WWOX: variants seen among roughly 807,000 people sequenced by gnomAD.
WWOX encodes the protein WW domain containing oxidoreductase.
A neutral mutation model predicts 46.2 loss-of-function variants in WWOX; 69 were observed. The ratio of observed to expected loss-of-function variants is 1.49; its 90% CI spans 1.23 to 1.82. The LOEUF (loss-of-function observed/expected upper bound fraction) is 1.82, where lower values mean the gene tolerates loss of function less well. WWOX is among the 40% of genes most tolerant of loss of function. WWOX has a pLI of 0.00. For synonymous variants in WWOX, 359 were observed against 202.6 expected, an observed-to-expected ratio of 1.77 and a Z score of -6.56; for missense variants, 919 against 542.6, an observed-to-expected ratio of 1.69 and a Z score of -6.89.
At chr16:78,149,150 C>G (rs988250636) in intron 4 of WWOX, among the ~76,000 whole-genome samples, 5 of 152,020 alleles carry the variant, frequency 3.3e-5, no homozygotes, top group Non-Finnish European at 7.4e-5. Context: ...GCCACTGTGC[C>G]TGGCTGGCCT....
At chr16:78,941,461 CCTT>C (rs1397635601) in intron 8 of WWOX, among the ~76,000 whole-genome samples, 1 of 148,874 alleles carries the variant, frequency 6.7e-6, no homozygotes, top group Non-Finnish European at 1.5e-5. Flanking sequence ...CGAACAAAGT[CCTT>C]TTTTTTTTTT....
chr16:78,919,993 C>A (rs1023845092), intron 8 of WWOX, among the ~76,000 whole-genome samples: 9 of 152,152 alleles, frequency 5.9e-5, no homozygotes, highest in African/African-American at 2.2e-4. Context: ...CCTTCTCATG[C>A]TTTTGGAAGG....
At chr16:78,549,724 C>T (rs1567637480) in intron 8 of WWOX, among the ~76,000 whole-genome samples, 1 of 152,270 alleles carries the variant, frequency 6.6e-6, no homozygotes, top group East Asian at 1.9e-4. Flanking sequence ...GAATCAAGTA[C>T]ATTCTGAACG....
At chr16:78,555,448 A>T (rs2044271272) in intron 8 of WWOX, among the ~76,000 whole-genome samples, 1 of 152,090 alleles carries the variant, frequency 6.6e-6, no homozygotes. Context: ...TAGGTAAATT[A>T]CTTATTCTCT....
At chr16:78,253,231 T>TA (rs1292077360) in intron 5 of WWOX, among the ~76,000 whole-genome samples, 1 of 152,202 alleles carries the variant, frequency 6.6e-6, no homozygotes, top group African/African-American at 2.4e-5. Flanking sequence ...CTTCTAAAGT[T>TA]ATAAGTACTC....
intron 8 of WWOX, among the ~76,000 whole-genome samples, chr16:78,743,734 CTGAT>C (rs548221289): frequency 3.3e-4 from 51 of 152,282 alleles, no homozygotes; most frequent in African/African-American, 9.9e-4. Context: ...GCTTCACCCT[CTGAT>C]TGGTTGCTTT....
chr16:78,533,430 C>T (rs987208117), intron 8 of WWOX, among the ~76,000 whole-genome samples: 25 of 149,846 alleles, frequency 1.7e-4, no homozygotes, highest in South Asian at 4.2e-4. Flanking sequence ...AAAAAATCCC[C>T]AAAAAATCTC....
intron 8 of WWOX, among the ~76,000 whole-genome samples, chr16:79,012,407 A>G (rs970477045): frequency 6.6e-6 from 1 of 152,084 alleles, no homozygotes; most frequent in African/African-American, 2.4e-5. Flanking sequence ...TAATTTTTGC[A>G]TTTTTAGTAG....
intron 5 of WWOX, chr16:78,355,714 T>A: frequency 1.3e-6 from 1 of 749,002 alleles, no homozygotes; most frequent in South Asian, 1.3e-5. Context: ...CTGTGACTAC[T>A]ATAGAAATTG....
chr16:78,751,655 A>G (rs900954822), intron 8 of WWOX, among the ~76,000 whole-genome samples: 14 of 151,858 alleles, frequency 9.2e-5, no homozygotes, highest in African/African-American at 2.9e-4. Flanking sequence ...ATATTAAACA[A>G]TACTCCAAGA....
At chr16:78,443,749 A>T (rs2083497684) in intron 8 of WWOX, among the ~76,000 whole-genome samples, 3 of 152,088 alleles carry the variant, frequency 2.0e-5, no homozygotes, top group Admixed American at 2.0e-4. Context: ...CATTTTGGTA[A>T]TGTGCTGCCT....
At chr16:78,990,124 C>T (rs1236446050) in intron 8 of WWOX, among the ~76,000 whole-genome samples, 2 of 148,670 alleles carry the variant, frequency 1.3e-5, no homozygotes, top group African/African-American at 5.0e-5. Flanking sequence ...GTCTAGGCTG[C>T]AGTGAGCCAT....
chr16:78,743,884 C>T (rs1231720742), intron 8 of WWOX, among the ~76,000 whole-genome samples: 2 of 152,160 alleles, frequency 1.3e-5, no homozygotes, highest in African/African-American at 4.8e-5. Flanking sequence ...TATTTAAACC[C>T]CAGAAAATTC....
intron 5 of WWOX, among the ~76,000 whole-genome samples, chr16:78,220,210 C>G (rs1244910786): frequency 1.3e-5 from 2 of 152,156 alleles, no homozygotes; most frequent in Non-Finnish European, 2.9e-5. Flanking sequence ...AATTGCGTTT[C>G]TTTGGCCTCC....
At chr16:78,979,645 G>T (rs996046916) in intron 8 of WWOX, among the ~76,000 whole-genome samples, 2 of 152,142 alleles carry the variant, frequency 1.3e-5, no homozygotes, top group Non-Finnish European at 2.9e-5. Flanking sequence ...TTGTTACTCA[G>T]ATGTCTCTAA....
At chr16:78,623,302 C>G (rs994272020) in intron 8 of WWOX, among the ~76,000 whole-genome samples, 3 of 152,170 alleles carry the variant, frequency 2.0e-5, no homozygotes, top group African/African-American at 7.2e-5. Context: ...CTGCATCTTT[C>G]TTTGGCATTT....
chr16:78,446,477 C>T (rs967144669), intron 8 of WWOX, among the ~76,000 whole-genome samples: 5 of 152,250 alleles, frequency 3.3e-5, no homozygotes, highest in Admixed American at 2.6e-4. Context: ...GGAAGCATTT[C>T]TGTCACATCC....
intron 5 of WWOX, among the ~76,000 whole-genome samples, chr16:78,255,336 T>A (rs903918670): frequency 6.6e-6 from 1 of 152,072 alleles, no homozygotes; most frequent in African/African-American, 2.4e-5. Flanking sequence ...AAAAGGAACA[T>A]AATGAATAAA....
chr16:78,774,306 A>T (rs1008766973), intron 8 of WWOX, among the ~76,000 whole-genome samples: 1 of 152,126 alleles, frequency 6.6e-6, no homozygotes, highest in Non-Finnish European at 1.5e-5. Flanking sequence ...GAGGCTGAAA[A>T]AGGAGAATCG....
Sources: gnomAD v4.1 joint callset for allele counts (sites outside exome capture counted in the v4.1 genomes callset) on GRCh38, gnomAD v4.1.1 for gene constraint, MANE v1.5 for transcripts, NCBI Gene and HGNC (gene_info 2026-07-23, HGNC 2026-07-21) for gene names.